Variants in FHIT observed in about 807,000 individuals in gnomAD.
FHIT encodes bis(5'-adenosyl)-triphosphatase.
In FHIT, 19 loss-of-function variants were observed where a neutral mutation model predicts 17.9. That is an observed-to-expected ratio of 1.06 (90% CI 0.74 to 1.56). FHIT has a LOEUF of 1.56. FHIT is among the 40% of genes most tolerant of loss of function. The probability of loss-of-function intolerance (pLI) is 0.00; values close to 1 mark genes in which losing one functional copy is unlikely to be tolerated. For missense variants in FHIT, 248 were observed against 189.2 expected, an observed-to-expected ratio of 1.31 and a Z score of -1.82; for synonymous variants, 81 against 69.7, an observed-to-expected ratio of 1.16 and a Z score of -0.81.
In FHIT at chr3:59,807,492, G is replaced by A. The variant is rs376243184; in HGVS notation, c.349-55171C>T. Among the ~76,000 whole-genome samples the A allele has an allele frequency of 5.9e-5, 9 of 152,256 alleles. No homozygotes were observed. The East Asian group carries it at 9.6e-4, about 16-fold the overall frequency. The stretch of plus-strand genomic sequence containing the variant: ...CCCTCTTGTCTTCCATTTTACAGGT[G>A]AAGAAACTGAGGCTGAATGATTTGT... On this transcript the variant is annotated intron_variant, in intron 8 of 9. Coordinates refer to ENST00000492590, the MANE Select transcript of FHIT (RefSeq NM_002012.4).
rs549659442 is a variant in FHIT, at chr3:60,370,998, T to A, written c.103+165862A>T. Reference sequence around the variant, plus strand: ...CTACACCAAACCAGTTGAAATTGCTTGGACGTGTCATATGGTTTCAGAACC... The same window carrying A: ...CTACACCAAACCAGTTGAAATTGCTAGGACGTGTCATATGGTTTCAGAACC... On this transcript the variant is annotated intron_variant, in intron 5 of 9. Transcript: ENST00000492590. 5.3e-5 allele frequency among the ~76,000 whole-genome samples: 8 copies of A among 152,342 alleles called. No individual in the cohort carries two copies. In the South Asian group the frequency reaches 1.7e-3, roughly 32 times the overall value.
chr3:61,119,992 A>G (rs1361074353), intron 2 of FHIT, among the ~76,000 whole-genome samples: 4 of 152,158 alleles, frequency 2.6e-5, no homozygotes, highest in East Asian at 3.8e-4. Context: ...CTCATAATAA[A>G]TCTCTTTTTA....
chr3:60,350,548 A>T (rs1359086767), intron 5 of FHIT, among the ~76,000 whole-genome samples: 2 of 152,320 alleles, frequency 1.3e-5, no homozygotes, highest in South Asian at 2.1e-4. Context: ...GCTTTCCCAA[A>T]GATGATGTCA....
chr3:60,118,694 A>C (rs9809946), intron 5 of FHIT, among the ~76,000 whole-genome samples: 40,332 of 149,918 alleles, frequency 0.27, 6,212 homozygotes, highest in Non-Finnish European at 0.36. Flanking sequence ...TTGGGCAATA[A>C]ACTAGAAGTT....
intron 8 of FHIT, among the ~76,000 whole-genome samples, chr3:59,822,470 AT>A (rs536235433): frequency 5.3e-5 from 8 of 151,084 alleles, no homozygotes; most frequent in African/African-American, 1.7e-4. Flanking sequence ...TTACTTTCTG[AT>A]TTTTTTTTAT....
chr3:60,034,960 A>G (rs1701152924), intron 5 of FHIT, among the ~76,000 whole-genome samples: 2 of 152,218 alleles, frequency 1.3e-5, no homozygotes, highest in African/African-American at 2.4e-5. Context: ...TATTATCACT[A>G]TCTCATTCAT....
chr3:60,040,337 G>C (rs1413505742), intron 5 of FHIT, among the ~76,000 whole-genome samples: 1 of 151,892 alleles, frequency 6.6e-6, no homozygotes, highest in Non-Finnish European at 1.5e-5. Context: ...GTAGAGACGG[G>C]GTTTCACCAT....
At chr3:59,770,537 CAGTGA>C (rs1702027609) in intron 8 of FHIT, among the ~76,000 whole-genome samples, 1 of 152,196 alleles carries the variant, frequency 6.6e-6, no homozygotes, top group Non-Finnish European at 1.5e-5. Context: ...AAACTCCCAG[CAGTGA>C]AGTGGACACA....
At chr3:60,046,347 C>T (rs1361221953) in intron 5 of FHIT, among the ~76,000 whole-genome samples, 1 of 152,190 alleles carries the variant, frequency 6.6e-6, no homozygotes, top group Admixed American at 6.5e-5. Flanking sequence ...ATTCAGGAAG[C>T]ACGGTCAACC....
intron 5 of FHIT, among the ~76,000 whole-genome samples, chr3:60,305,243 A>G (rs942924476): frequency 4.6e-5 from 7 of 152,250 alleles, no homozygotes; most frequent in African/African-American, 1.7e-4. Context: ...CTCCCAATGT[A>G]TCCTGAAGAA....
intron 8 of FHIT, among the ~76,000 whole-genome samples, chr3:59,797,246 G>T (rs1425005528): frequency 2.0e-5 from 3 of 151,588 alleles, no homozygotes; most frequent in Non-Finnish European, 2.9e-5. Flanking sequence ...GAGTGCAGTG[G>T]CACAATCTCT....
intron 4 of FHIT, among the ~76,000 whole-genome samples, chr3:60,670,660 G>A (rs1163704720): frequency 2.0e-5 from 3 of 152,124 alleles, no homozygotes; most frequent in African/African-American, 7.2e-5. Context: ...GAAGAAAAAC[G>A]AGTCCTAATA....
chr3:60,937,202 T>C (rs1384497795), intron 3 of FHIT, among the ~76,000 whole-genome samples: 1 of 152,194 alleles, frequency 6.6e-6, no homozygotes, highest in Non-Finnish European at 1.5e-5. Context: ...GAAATGTAGA[T>C]TCCACAGACC....
chr3:60,672,874 C>CATGTGTGGGTGTGTGT (rs71092628), intron 4 of FHIT, among the ~76,000 whole-genome samples: 1 of 139,478 alleles, frequency 7.2e-6, no homozygotes, highest in African/African-American at 2.7e-5. Flanking sequence ...CTCTTTGTAG[C>CATGTGTGGGTGTGTGT]GTGTGTGTGT....
chr3:60,503,274 T>A (rs897447975), intron 5 of FHIT, among the ~76,000 whole-genome samples: 2 of 152,186 alleles, frequency 1.3e-5, no homozygotes, highest in Non-Finnish European at 2.9e-5. Context: ...ATTAGGAAAA[T>A]TATTACTATT....
At chr3:60,391,930 CTTCT>C (rs1209404241) in intron 5 of FHIT, among the ~76,000 whole-genome samples, 2 of 150,790 alleles carry the variant, frequency 1.3e-5, no homozygotes, top group Admixed American at 6.6e-5. Context: ...ATGTTTCTTT[CTTCT>C]TTTTTTCTTT....
chr3:60,004,640 T>C (rs1340670338), intron 7 of FHIT, among the ~76,000 whole-genome samples: 16 of 152,164 alleles, frequency 1.1e-4, no homozygotes, highest in Admixed American at 5.9e-4. Flanking sequence ...GGATACAACA[T>C]ATTTCTTTAG....
At chr3:60,606,408 T>A (rs1008064406) in intron 4 of FHIT, among the ~76,000 whole-genome samples, 1 of 151,952 alleles carries the variant, frequency 6.6e-6, no homozygotes, top group African/African-American at 2.4e-5. Context: ...GCCCAGGTAA[T>A]TTTTTGTGTT....
rs1173241076 is a variant in FHIT, at chr3:59,748,196, T to G, written c.*1389A>C. 6.6e-6 allele frequency among the ~76,000 whole-genome samples: 1 copy of G among 152,122 alleles called. No homozygotes were observed. The highest frequency in any genetic ancestry group is 1.9e-4 in the East Asian group (1 of 5,184). On this transcript the variant is annotated 3_prime_UTR_variant, in exon 10 of 10. Transcript: ENST00000492590. ...ATTACAGGTAGTACTTGTTTTTCTT[T>G]GAGGCTGAAATATAAAGTTTAAGAT...
Sources: gnomAD v4.1 joint callset for allele counts (sites outside exome capture counted in the v4.1 genomes callset) on GRCh38, gnomAD v4.1.1 for gene constraint, MANE v1.5 for transcripts, NCBI Gene and HGNC (gene_info 2026-07-23, HGNC 2026-07-21) for gene names.